MEGF11: variants seen among roughly 807,000 people sequenced by gnomAD.
MEGF11 encodes the protein multiple EGF like domains 11, also known as multiple epidermal growth factor-like domains protein 11.
A neutral mutation model predicts 146.6 loss-of-function variants in MEGF11; 126 were observed. The ratio of observed to expected loss-of-function variants is 0.86; its 90% CI spans 0.74 to 1.00. The LOEUF (loss-of-function observed/expected upper bound fraction) is 1.00. MEGF11 is among the 50% of genes least tolerant of loss of function. The pLI is 0.00. For missense variants in MEGF11, 1,509 were observed against 1,521.2 expected (o/e 0.99, Z 0.13); for synonymous variants, 532 against 583.4 (o/e 0.91, Z 1.27).
At chr15:66,123,643 A>G (rs898273070) in intron 3 of MEGF11, among the ~76,000 whole-genome samples, 1 of 152,160 alleles carries the variant, frequency 6.6e-6, no homozygotes, top group Non-Finnish European at 1.5e-5. Flanking sequence ...AAGTTGGGGT[A>G]GTTATCCACC....
chr15:65,907,720 C>A (rs888642355), intron 23 of MEGF11, among the ~76,000 whole-genome samples: 1 of 152,210 alleles, frequency 6.6e-6, no homozygotes, highest in East Asian at 1.9e-4. Context: ...TTTGCCCTTC[C>A]TGAGGGAAGC....
At chr15:65,939,346 G>T (rs560484072) in intron 10 of MEGF11, among the ~76,000 whole-genome samples, 87 of 152,302 alleles carry the variant, frequency 5.7e-4, no homozygotes, top group African/African-American at 2.0e-3. Flanking sequence ...TGAGGCAAAA[G>T]CACTAGCCCA....
chr15:66,076,829 G>A (rs2085609841), intron 5 of MEGF11, among the ~76,000 whole-genome samples: 1 of 152,120 alleles, frequency 6.6e-6, no homozygotes, highest in African/African-American at 2.4e-5. Context: ...TCCTTCCAAC[G>A]CCAAGGTAGC....
At chr15:66,074,455 T>C (rs2085495098) in intron 5 of MEGF11, among the ~76,000 whole-genome samples, 1 of 152,254 alleles carries the variant, frequency 6.6e-6, no homozygotes, top group Non-Finnish European at 1.5e-5. Context: ...TTATGAACAA[T>C]AATGCAGGCT....
chr15:65,978,807 C>T (rs966801978), intron 7 of MEGF11, among the ~76,000 whole-genome samples: 2 of 152,148 alleles, frequency 1.3e-5, no homozygotes, highest in African/African-American at 4.8e-5. Flanking sequence ...CAGACAGACA[C>T]CAAGGGCTGG....
chr15:66,203,184 C>T (rs941223672), intron 1 of MEGF11, among the ~76,000 whole-genome samples: 4 of 152,342 alleles, frequency 2.6e-5, no homozygotes, highest in African/African-American at 9.6e-5. Context: ...CCTGAGCCTG[C>T]GCACTCAGCC....
intron 10 of MEGF11, among the ~76,000 whole-genome samples, chr15:65,948,332 AC>A (rs1158182688): frequency 1.3e-5 from 2 of 151,852 alleles, no homozygotes; most frequent in Non-Finnish European, 2.9e-5. Context: ...TTTGCTGTGC[AC>A]TGTGGAAGCC....
intron 5 of MEGF11, among the ~76,000 whole-genome samples, chr15:66,008,407 G>GCACA (rs756699009): frequency 6.1e-5 from 5 of 82,326 alleles, no homozygotes; most frequent in Admixed American, 6.0e-4. Flanking sequence ...GCACACGCGC[G>GCACA]CGCGCACACA....
chr15:66,035,009 G>T (rs76595892), intron 5 of MEGF11, among the ~76,000 whole-genome samples: 3 of 152,052 alleles, frequency 2.0e-5, no homozygotes, highest in African/African-American at 7.2e-5. Flanking sequence ...CCAGTGTCAC[G>T]CTCTCGTACT....
chr15:66,253,330 G>A (rs2092402902), intron 1 of MEGF11, among the ~76,000 whole-genome samples: 1 of 152,194 alleles, frequency 6.6e-6, no homozygotes, highest in South Asian at 2.1e-4. Context: ...TCCCGACTGC[G>A]GCCGGAGGGC....
intron 1 of MEGF11, among the ~76,000 whole-genome samples, chr15:66,132,847 C>G (rs1465050234): frequency 6.6e-6 from 1 of 152,184 alleles, no homozygotes; most frequent in Non-Finnish European, 1.5e-5. Flanking sequence ...TATTTCCTTC[C>G]CCTTGTACCA....
intron 5 of MEGF11, among the ~76,000 whole-genome samples, chr15:66,017,593 C>G (rs1180896522): frequency 1.3e-5 from 2 of 152,212 alleles, no homozygotes; most frequent in Non-Finnish European, 2.9e-5. Flanking sequence ...CCCAGGATGC[C>G]TCCCCCAGGA....
intron 23 of MEGF11, 72 bp downstream of exon 23, chr15:65,908,962 A>AG (rs1475631369): frequency 1.1e-6 from 1 of 931,920 alleles, no homozygotes; most frequent in East Asian, 2.7e-5. Context: ...GTCAAGGTGC[A>AG]GGGATGGGGA....
intron 1 of MEGF11, among the ~76,000 whole-genome samples, chr15:66,229,082 A>T (rs1403037675): frequency 1.3e-5 from 2 of 152,132 alleles, no homozygotes; most frequent in Admixed American, 1.3e-4. Context: ...TTAAGCACTC[A>T]TCAAATTGCC....
intron 5 of MEGF11, 53 bp downstream of exon 5, chr15:66,094,349 C>A: frequency 6.8e-7 from 1 of 1,464,716 alleles, no homozygotes; most frequent in Non-Finnish European, 9.3e-7. Flanking sequence ...ACAACCCACT[C>A]CCCTACCAAG....
intron 5 of MEGF11, among the ~76,000 whole-genome samples, chr15:66,075,430 T>A (rs1026475875): frequency 6.6e-6 from 1 of 152,244 alleles, no homozygotes; most frequent in Non-Finnish European, 1.5e-5. Flanking sequence ...ATGGAAGGAT[T>A]TCCTGAAGGA....
chr15:66,054,674 G>A (rs997131018), intron 5 of MEGF11, among the ~76,000 whole-genome samples: 2 of 152,320 alleles, frequency 1.3e-5, no homozygotes, highest in South Asian at 2.1e-4. Flanking sequence ...CACAAGAAAG[G>A]CCAGATAATG....
At chr15:66,104,043 A>G (rs1226407239) in intron 4 of MEGF11, among the ~76,000 whole-genome samples, 3 of 152,246 alleles carry the variant, frequency 2.0e-5, no homozygotes, top group African/African-American at 7.2e-5. Context: ...AGTGAAATGC[A>G]TTACTGCAAA....
intron 1 of MEGF11, among the ~76,000 whole-genome samples, chr15:66,143,414 C>T (rs2089245369): frequency 6.6e-6 from 1 of 152,192 alleles, no homozygotes; most frequent in Non-Finnish European, 1.5e-5. Flanking sequence ...CGGAATCCAC[C>T]AGCCCCTCAG....
Sources: allele counts gnomAD v4.1 joint callset (sites outside exome capture counted in the v4.1 genomes callset), GRCh38; gene constraint gnomAD v4.1.1; transcripts MANE v1.5; gene names NCBI Gene and HGNC (gene_info 2026-07-23, HGNC 2026-07-21).